The following ROBO2 variants were observed in gnomAD, a reference collection of about 807,000 sequenced individuals.
The protein encoded by ROBO2 is roundabout homolog 2.
A neutral mutation model predicts 160.8 loss-of-function variants in ROBO2; 53 were observed. That is an observed-to-expected ratio of 0.33 (90% CI 0.26 to 0.41). ROBO2 has a LOEUF of 0.41. Ranked by LOEUF, ROBO2 falls within the 10% of genes least tolerant of loss-of-function variation. The pLI, the probability that ROBO2 is intolerant of heterozygous loss-of-function variation, is 1.00. For missense variants in ROBO2, 1,577 were observed against 1,722.4 expected (o/e 0.92, Z 1.49); for synonymous variants, 664 against 611.7 (o/e 1.09, Z -1.26).
intron 2 of ROBO2, among the ~76,000 whole-genome samples, chr3:76,894,212 T>C (rs13085760): frequency 0.31 from 46,719 of 151,992 alleles, 7,836 homozygotes; most frequent in Non-Finnish European, 0.36. Flanking sequence ...CAATGCATTT[T>C]GGATTCCATT....
At chr3:76,406,168 A>G (rs2078113853) in intron 2 of ROBO2, among the ~76,000 whole-genome samples, 1 of 151,816 alleles carries the variant, frequency 6.6e-6, no homozygotes, top group African/African-American at 2.4e-5. Context: ...AGAATACAGC[A>G]TTAATTTTCC....
chr3:76,727,978 C>T (rs1486401335), intron 2 of ROBO2, among the ~76,000 whole-genome samples: 1 of 151,908 alleles, frequency 6.6e-6, no homozygotes, highest in Non-Finnish European at 1.5e-5. Flanking sequence ...TTGATTGTTA[C>T]ACATTGTATG....
chr3:76,301,910 T>C (rs145015081), intron 2 of ROBO2, among the ~76,000 whole-genome samples: 13 of 152,196 alleles, frequency 8.5e-5, no homozygotes, highest in East Asian at 7.7e-4. Context: ...CTCCATCCTG[T>C]TGACATGATG....
intron 1 of ROBO2, among the ~76,000 whole-genome samples, chr3:77,060,096 A>G (rs1276922628): frequency 6.6e-6 from 1 of 150,572 alleles, no homozygotes; most frequent in African/African-American, 2.5e-5. Flanking sequence ...TCAGTCTCTG[A>G]GTCCAGAGGG....
At chr3:77,171,595 C>T (rs1409470783) in intron 2 of ROBO2, among the ~76,000 whole-genome samples, 8 of 151,860 alleles carry the variant, frequency 5.3e-5, no homozygotes, top group Non-Finnish European at 4.4e-5. Context: ...CTTTTCTTGC[C>T]AGGCTTCTGT....
At chr3:77,538,295 CAG>C in intron 6 of ROBO2, among the ~76,000 whole-genome samples, 1 of 150,642 alleles carries the variant, frequency 6.6e-6, no homozygotes, top group Non-Finnish European at 1.5e-5. Flanking sequence ...TCTCCTGCCT[CAG>C]CCTCCCGAGT....
chr3:75,985,832 G>A (rs546988785), intron 2 of ROBO2, among the ~76,000 whole-genome samples: 1 of 151,396 alleles, frequency 6.6e-6, no homozygotes, highest in Admixed American at 6.6e-5. Context: ...ATTTAATTTA[G>A]CATAATGACC....
chr3:77,517,041 C>A (rs1378444703), intron 5 of ROBO2, among the ~76,000 whole-genome samples: 2 of 151,410 alleles, frequency 1.3e-5, no homozygotes, highest in African/African-American at 4.8e-5. Context: ...AACATACATG[C>A]TCTTGGAAAT....
At chr3:76,764,620 T>C (rs573081487) in intron 2 of ROBO2, among the ~76,000 whole-genome samples, 3 of 151,772 alleles carry the variant, frequency 2.0e-5, no homozygotes, top group Non-Finnish European at 4.4e-5. Context: ...TTATCAAGTT[T>C]AATTCAGTAT....
At chr3:77,496,989 A>G (rs1210236393) in intron 5 of ROBO2, among the ~76,000 whole-genome samples, 1 of 152,042 alleles carries the variant, frequency 6.6e-6, no homozygotes, top group Non-Finnish European at 1.5e-5. Context: ...GTATTAAAAC[A>G]TTTTCTGAAA....
chr3:76,066,706 A>T (rs1178081609), intron 2 of ROBO2, among the ~76,000 whole-genome samples: 1 of 152,026 alleles, frequency 6.6e-6, no homozygotes, highest in East Asian at 1.9e-4. Context: ...CAAAGAAATG[A>T]AATTAGAAAT....
At chr3:77,315,592 G>T (rs1560514387) in intron 2 of ROBO2, among the ~76,000 whole-genome samples, 1 of 152,136 alleles carries the variant, frequency 6.6e-6, no homozygotes, top group Non-Finnish European at 1.5e-5. Context: ...TATCAGTTAG[G>T]AATTTTATTC....
At chr3:76,760,397 GT>G (rs2061237484) in intron 2 of ROBO2, among the ~76,000 whole-genome samples, 1 of 151,508 alleles carries the variant, frequency 6.6e-6, no homozygotes, top group Admixed American at 6.6e-5. Context: ...TAAATATCTG[GT>G]TTTAAAAGAA....
chr3:77,046,303 C>T (rs1012184437), intron 1 of ROBO2, among the ~76,000 whole-genome samples: 29 of 152,160 alleles, frequency 1.9e-4, no homozygotes, highest in African/African-American at 5.5e-4. Context: ...TGAAGTGAAA[C>T]AATTTTATAT....
chr3:76,253,446 A>C (rs1057203849), intron 2 of ROBO2, among the ~76,000 whole-genome samples: 4 of 151,234 alleles, frequency 2.6e-5, no homozygotes, highest in African/African-American at 9.7e-5. Flanking sequence ...CTAGTTTTTA[A>C]AATTTCTTTT....
chr3:77,479,302 A>G (rs552866489), intron 3 of ROBO2, among the ~76,000 whole-genome samples: 2 of 152,270 alleles, frequency 1.3e-5, no homozygotes, highest in African/African-American at 2.4e-5. Context: ...AATGACCTTT[A>G]GTTTCTTCTT....
intron 2 of ROBO2, among the ~76,000 whole-genome samples, chr3:76,064,506 A>T (rs574624984): frequency 6.6e-6 from 1 of 152,280 alleles, no homozygotes; most frequent in East Asian, 1.9e-4. Flanking sequence ...TGGTCCTCTG[A>T]TGACCAAATT....
At chr3:76,664,632 A>G (rs1816955) in intron 2 of ROBO2, among the ~76,000 whole-genome samples, 79,863 of 151,964 alleles carry the variant, frequency 0.53, 21,369 homozygotes, top group African/African-American at 0.63. Context: ...TTAAAAAGCT[A>G]TGTGGGTTTC....
chr3:76,928,271 A>G (rs2077109404), intron 2 of ROBO2, among the ~76,000 whole-genome samples: 1 of 152,168 alleles, frequency 6.6e-6, no homozygotes, highest in Admixed American at 6.5e-5. Context: ...GCAAGGGAAC[A>G]AATTCCCCCC....
Sources: allele counts gnomAD v4.1 joint callset (sites outside exome capture counted in the v4.1 genomes callset), GRCh38; gene constraint gnomAD v4.1.1; transcripts MANE v1.5; gene names NCBI Gene and HGNC (gene_info 2026-07-23, HGNC 2026-07-21).